Variants in ZNF469 observed in about 807,000 individuals in gnomAD.
ZNF469 encodes the protein zinc finger protein 469.
Under a neutral mutation model 1.0 loss-of-function variants are expected in ZNF469, and 1 was observed. The observed-to-expected ratio is 1.00, with a 90% CI of 0.35 to 4.73. The LOEUF (loss-of-function observed/expected upper bound fraction) is 4.73. Among genes scored for constraint, ZNF469 ranks in the 30% most tolerant of loss-of-function variants. The pLI is 0.16. For missense variants in ZNF469, 6,100 were observed against 5,356.3 expected (o/e 1.14, Z -4.33); for synonymous variants, 2,703 against 2,363.4 (o/e 1.14, Z -4.17).
At chr16:88,386,321 C>T (rs1398680871) in intron 1 of ZNF469, among the ~76,000 whole-genome samples, 2 of 152,138 alleles carry the variant, frequency 1.3e-5, no homozygotes, top group African/African-American at 2.4e-5. Flanking sequence ...TAAGGGTCCT[C>T]ATGGGTTCAT....
At chr16:88,142,745 C>T in the ZNF469 span, among the ~76,000 whole-genome samples, 1 of 152,200 alleles carries the variant, frequency 6.6e-6, no homozygotes, top group African/African-American at 2.4e-5. Flanking sequence ...TGCGGGGAGT[C>T]GGCCGGCAGC....
chr16:88,158,253 G>A, the ZNF469 span, among the ~76,000 whole-genome samples: 14 of 151,962 alleles, frequency 9.2e-5, no homozygotes, highest in African/African-American at 3.1e-4. Context: ...GAGATGGGAG[G>A]TGGGGGCTGG....
the ZNF469 span, among the ~76,000 whole-genome samples, chr16:88,216,770 T>G: frequency 6.6e-6 from 1 of 152,252 alleles, no homozygotes; most frequent in African/African-American, 2.4e-5. Context: ...GATTACTGGA[T>G]GTTAACCTTT....
the ZNF469 span, among the ~76,000 whole-genome samples, chr16:88,268,624 C>T: frequency 3.3e-5 from 5 of 152,220 alleles, no homozygotes; most frequent in African/African-American, 1.2e-4. Flanking sequence ...CCTCATATCC[C>T]CGTGGGGGTT....
chr16:88,359,966 A>G, the ZNF469 span, among the ~76,000 whole-genome samples: 1 of 152,218 alleles, frequency 6.6e-6, no homozygotes, highest in African/African-American at 2.4e-5. Flanking sequence ...ATACTTCAAC[A>G]TGTACATCAT....
chr16:88,192,395 G>A, the ZNF469 span, among the ~76,000 whole-genome samples: 16 of 152,182 alleles, frequency 1.1e-4, no homozygotes, highest in Non-Finnish European at 2.2e-4. Context: ...TTTGGGAAAC[G>A]GAGACAGACA....
chr16:88,273,767 T>G, the ZNF469 span, among the ~76,000 whole-genome samples: 1 of 151,996 alleles, frequency 6.6e-6, no homozygotes, highest in South Asian at 2.1e-4. Flanking sequence ...GACAGGTGAA[T>G]GGATACATAC....
the ZNF469 span, among the ~76,000 whole-genome samples, chr16:88,148,433 C>T: frequency 1.3e-5 from 2 of 152,184 alleles, no homozygotes; most frequent in South Asian, 2.1e-4. Context: ...CTCCCACCAG[C>T]GTCCCACTCT....
chr16:88,202,864 C>T, the ZNF469 span, among the ~76,000 whole-genome samples: 1 of 152,136 alleles, frequency 6.6e-6, no homozygotes, highest in African/African-American at 2.4e-5. Flanking sequence ...CCCTGCAGCC[C>T]AGGTGAGATG....
the ZNF469 span, chr16:88,178,115 T>C: frequency 6.6e-6 from 1 of 152,170 alleles, no homozygotes; most frequent in Non-Finnish European, 1.5e-5. Context: ...ATAGGAGTGA[T>C]CTCCTTAGTC....
Position 88,427,799 on chromosome 16 carries a change from G to T in ZNF469, c.329G>T (p.Gly110Val). The T allele has an allele frequency of 1.3e-6, 2 of 1,547,608 alleles. No homozygotes were observed. Among genetic ancestry groups the T allele is most frequent in the Non-Finnish European group, 1.7e-6 (2 of 1,146,760 alleles). Residue 110 changes from glycine to valine, a missense_variant, in exon 3 of 3, where the codon GGC becomes GTC. Gly to Val is a moderately radical substitution (Grantham distance 109). Transcript: ENST00000565624. ...SPLQAPSRLA[G>V]RAEGSPPQRY... ...TTGCAGGCTCCCTCAAGGCTGGCGG[G>T]CAGGGCAGAGGGCAGCCCCCCACAG... is the stretch of plus-strand genomic sequence containing the variant.
At chr16:88,408,277 C>T (rs1216603429) in intron 1 of ZNF469, among the ~76,000 whole-genome samples, 3 of 152,204 alleles carry the variant, frequency 2.0e-5, no homozygotes, top group East Asian at 1.9e-4. Context: ...CTCAGCCTCC[C>T]GGTAACGGGG....
rs534962147 is a variant in ZNF469 at position 88,439,116 on chromosome 16, G to A, written c.11646G>A (p.Pro3882=). Residue 3882 remains proline, a synonymous_variant, in exon 3 of 3, where the codon CCG becomes CCA. Transcript: ENST00000565624. ...CATCAGAGCAGCGGAAGGCAGAGCC[G>A]GGCCACACACAGAGGAAGGACAGAC... ...PPPSEQRKAE[P]GHTQRKDRLG... is the part of the protein sequence containing the mutation. 20 of 1,550,936 alleles carry A rather than the reference G, an allele frequency of 1.3e-5. No individual in the cohort carries two copies. The highest frequency in any genetic ancestry group is 1.7e-4 in the Middle Eastern group (1 of 5,994).
chr16:88,387,145 G>A (rs997795053), intron 1 of ZNF469, among the ~76,000 whole-genome samples: 2 of 152,308 alleles, frequency 1.3e-5, no homozygotes, highest in South Asian at 2.1e-4. Context: ...AGAGACCCGC[G>A]GCAGCCCTGG....
At chr16:88,396,737 AC>A (rs1301541723) in intron 1 of ZNF469, among the ~76,000 whole-genome samples, 34 of 146,082 alleles carry the variant, frequency 2.3e-4, no homozygotes, top group Non-Finnish European at 2.8e-4. Flanking sequence ...CCGGGAGGAG[AC>A]CCTCATAAAG....
chr16:88,212,063 T>G, the ZNF469 span, among the ~76,000 whole-genome samples: 1 of 152,266 alleles, frequency 6.6e-6, no homozygotes, highest in Non-Finnish European at 1.5e-5. Context: ...GCTTTGTTTA[T>G]TCCTTGATGC....
At chr16:88,116,529 C>T in the ZNF469 span, among the ~76,000 whole-genome samples, 6 of 152,314 alleles carry the variant, frequency 3.9e-5, no homozygotes, top group East Asian at 5.8e-4. Context: ...GAAATGAAGA[C>T]GTATCTTCAT....
the ZNF469 span, among the ~76,000 whole-genome samples, chr16:88,346,227 C>T: frequency 6.6e-5 from 10 of 152,228 alleles, no homozygotes; most frequent in Non-Finnish European, 4.4e-5. Flanking sequence ...TGGGGACGGC[C>T]GGTGCAGGCT....
At chr16:88,121,227 G>A in the ZNF469 span, among the ~76,000 whole-genome samples, 1 of 81,604 alleles carries the variant, frequency 1.2e-5, no homozygotes, top group Admixed American at 1.1e-4. Flanking sequence ...CATGGTGAAG[G>A]GGGGGAGGTT....
Sources: gnomAD v4.1 joint callset for allele counts (sites outside exome capture counted in the v4.1 genomes callset) on GRCh38, gnomAD v4.1.1 for gene constraint, MANE v1.5 for transcripts, NCBI Gene and HGNC (gene_info 2026-07-23, HGNC 2026-07-21) for gene names.